Variants in NCK2 observed in about 807,000 individuals in gnomAD.
The protein encoded by NCK2 is NCK adaptor protein 2.
In NCK2, 16 loss-of-function variants were observed where a neutral mutation model predicts 33.9. That is an observed-to-expected ratio of 0.47 (90% CI 0.32 to 0.72). The LOEUF is 0.72. NCK2 is among the 30% of genes least tolerant of loss of function. The probability of loss-of-function intolerance (pLI) is 0.03; values close to 1 mark genes in which losing one functional copy is unlikely to be tolerated. For synonymous variants in NCK2, 273 were observed against 239.9 expected (o/e 1.14, Z -1.27); for missense variants, 418 against 537.3 (o/e 0.78, Z 2.19).
rs2104698752 is a variant in NCK2, at chr2:105,893,471, C to G, written c.*295C>G. The G allele has an allele frequency of 3.0e-6, 1 of 335,014 alleles. No homozygotes were observed. The highest frequency in any genetic ancestry group is 5.2e-5 in the East Asian group (1 of 19,246). The allele number at this position is 335,014 out of a possible 1,614,324, so 20.8% of individuals were successfully genotyped here. On this transcript the variant is annotated 3_prime_UTR_variant, in exon 5 of 5. Transcript: ENST00000233154. ...CAACTCGTTCCCGCTCATGGAACCC[C>G]TCTTTAAAAAGACGCAGGGCACCTG...
chr2:105,797,670 C>T (rs969331571), intron 1 of NCK2, among the ~76,000 whole-genome samples: 3 of 152,158 alleles, frequency 2.0e-5, no homozygotes, highest in Non-Finnish European at 4.4e-5. Flanking sequence ...GGATTTGCAG[C>T]GACTGTGTGG....
At chr2:105,778,717 C>G (rs1385407566) in intron 1 of NCK2, among the ~76,000 whole-genome samples, 1 of 151,930 alleles carries the variant, frequency 6.6e-6, no homozygotes, top group Non-Finnish European at 1.5e-5. Flanking sequence ...TTTTTTTCTT[C>G]TTTCATTTCT....
At chr2:105,868,157 G>C (rs745695284) in intron 3 of NCK2, among the ~76,000 whole-genome samples, 4 of 152,214 alleles carry the variant, frequency 2.6e-5, no homozygotes, top group Non-Finnish European at 4.4e-5. Flanking sequence ...GATGGACCTT[G>C]GCAAGTATGG....
chr2:105,809,151 A>T (rs1392071493), intron 1 of NCK2, among the ~76,000 whole-genome samples: 1 of 152,164 alleles, frequency 6.6e-6, no homozygotes, highest in Admixed American at 6.5e-5. Context: ...GCAAGAGGAG[A>T]TACTTGGTAG....
intron 2 of NCK2, among the ~76,000 whole-genome samples, chr2:105,818,432 A>AAT (rs1009429130): frequency 1.1e-4 from 16 of 151,542 alleles, no homozygotes; most frequent in Non-Finnish European, 1.8e-4. Context: ...GTGTAATAAA[A>AAT]ATATATATAT....
At chr2:105,814,984 G>T (rs1675430231) in intron 1 of NCK2, among the ~76,000 whole-genome samples, 1 of 152,200 alleles carries the variant, frequency 6.6e-6, no homozygotes, top group Non-Finnish European at 1.5e-5. Flanking sequence ...TTTGGGGCAT[G>T]GTACCCAGCA....
chr2:105,871,242 G>A (rs186308359), intron 3 of NCK2, among the ~76,000 whole-genome samples: 1 of 152,122 alleles, frequency 6.6e-6, no homozygotes, highest in East Asian at 1.9e-4. Context: ...AGATGAGGAG[G>A]ATGGTGAGCT....
rs746692898 is a variant in NCK2 at position 105,855,043 on chromosome 2, G to A, written c.-16-5G>A. The A allele has an allele frequency of 3.1e-6, 5 of 1,605,704 alleles. No individual in the cohort carries two copies. The highest frequency in any genetic ancestry group is 1.1e-5 in the South Asian group (1 of 90,886). ...AATGAGCATCTCCAAATGTTTTGCT[G>A]GCAGAAGGACTCCATGAAAGATGAC... On this transcript the variant is annotated splice_region_variant and splice_polypyrimidine_tract_variant and intron_variant, in intron 2 of 4. Coordinates refer to ENST00000233154, the MANE Select transcript of NCK2 (RefSeq NM_003581.5).
At chr2:105,833,907 T>C (rs1235914563) in intron 2 of NCK2, among the ~76,000 whole-genome samples, 1 of 152,210 alleles carries the variant, frequency 6.6e-6, no homozygotes, top group Non-Finnish European at 1.5e-5. Flanking sequence ...CTTCATTGAC[T>C]CATTGTTCAT....
intron 2 of NCK2, among the ~76,000 whole-genome samples, chr2:105,816,860 C>T (rs1675509268): frequency 6.6e-6 from 1 of 152,128 alleles, no homozygotes; most frequent in South Asian, 2.1e-4. Flanking sequence ...GGTACAGGTA[C>T]CTCCACACTC....
intron 3 of NCK2, among the ~76,000 whole-genome samples, chr2:105,865,600 T>G (rs776750326): frequency 2.0e-5 from 3 of 152,154 alleles, no homozygotes; most frequent in Non-Finnish European, 4.4e-5. Flanking sequence ...ACCCTAGGGA[T>G]TCACGTCTTT....
intron 1 of NCK2, among the ~76,000 whole-genome samples, chr2:105,763,411 C>G (rs1424583352): frequency 1.6e-4 from 24 of 152,120 alleles, no homozygotes; most frequent in Admixed American, 1.6e-3. Flanking sequence ...TCCAGTCATG[C>G]AGTAACGACA....
At chr2:105,754,290 G>A (rs1315150129) in intron 1 of NCK2, among the ~76,000 whole-genome samples, 1 of 152,220 alleles carries the variant, frequency 6.6e-6, no homozygotes, top group Non-Finnish European at 1.5e-5. Flanking sequence ...AATGGTGGGG[G>A]CAGCCAGGAA....
intron 1 of NCK2, among the ~76,000 whole-genome samples, chr2:105,762,258 C>T (rs968318849): frequency 4.6e-5 from 7 of 152,222 alleles, no homozygotes; most frequent in South Asian, 2.1e-4. Context: ...GAGGCCTTGC[C>T]GAGGAAACAG....
chr2:105,820,319 T>C (rs1289272867), intron 2 of NCK2, among the ~76,000 whole-genome samples: 1 of 152,200 alleles, frequency 6.6e-6, no homozygotes, highest in Non-Finnish European at 1.5e-5. Context: ...CACTTCGGCA[T>C]GTCAGAAAGA....
At chr2:105,858,046 G>GT (rs1677356866) in intron 3 of NCK2, among the ~76,000 whole-genome samples, 1 of 125,148 alleles carries the variant, frequency 8.0e-6, no homozygotes, top group African/African-American at 2.6e-5. Flanking sequence ...TGTTTTTTGG[G>GT]GTTTTTTTTT....
At chr2:105,864,253 G>A (rs1677661656) in intron 3 of NCK2, among the ~76,000 whole-genome samples, 2 of 152,164 alleles carry the variant, frequency 1.3e-5, no homozygotes, top group African/African-American at 2.4e-5. Flanking sequence ...CCTGAGCCTG[G>A]CAGTGGGAGG....
At chr2:105,832,735 A>G (rs1447457852) in intron 2 of NCK2, among the ~76,000 whole-genome samples, 1 of 142,650 alleles carries the variant, frequency 7.0e-6, no homozygotes. Flanking sequence ...TTTTGCATCT[A>G]TGTTCATCAG....
At chr2:105,798,717 T>C (rs1691169851) in intron 1 of NCK2, among the ~76,000 whole-genome samples, 1 of 152,206 alleles carries the variant, frequency 6.6e-6, no homozygotes, top group East Asian at 1.9e-4. Context: ...GAAAATAAAC[T>C]GTGGGTGTCT....
Sources: allele counts gnomAD v4.1 joint callset (sites outside exome capture counted in the v4.1 genomes callset), GRCh38; gene constraint gnomAD v4.1.1; transcripts MANE v1.5; gene names NCBI Gene and HGNC (gene_info 2026-07-23, HGNC 2026-07-21).